Variants in DZIP3 observed in about 807,000 individuals in gnomAD.
DZIP3 encodes the protein E3 ubiquitin-protein ligase DZIP3.
A neutral mutation model predicts 162.0 loss-of-function variants in DZIP3; 118 were observed. That is an observed-to-expected ratio of 0.73 (90% confidence interval 0.63 to 0.85). The LOEUF is 0.85. Among genes scored for constraint, DZIP3 ranks in the 40% least tolerant of loss-of-function variants. The pLI, the probability that DZIP3 is intolerant of heterozygous loss-of-function variation, is 0.00. For missense variants in DZIP3, 1,331 were observed against 1,407.0 expected (o/e 0.95, Z 0.86); for synonymous variants, 438 against 458.6 (o/e 0.96, Z 0.57).
At chr3:108,682,766 A>C (rs1264300238) in intron 26 of DZIP3, among the ~76,000 whole-genome samples, 1 of 150,782 alleles carries the variant, frequency 6.6e-6, no homozygotes, top group Non-Finnish European at 1.5e-5. Context: ...GATTTTGAAT[A>C]TTAGAACCAC....
intron 4 of DZIP3, among the ~76,000 whole-genome samples, chr3:108,612,265 A>G (rs1196775236): frequency 2.6e-5 from 4 of 152,186 alleles, no homozygotes; most frequent in African/African-American, 9.7e-5. Context: ...ATGAAAGAAT[A>G]TATGGTTATT....
In DZIP3 at chr3:108,646,741, C is replaced by T. The variant is rs369285490; in HGVS notation, c.1792+92C>T. Reference sequence around the variant, plus strand: ...TTGTTCAGATAAACTAAATGATAAACTATAATTGTGAAGAACTTGGGCCAG... The same window carrying T: ...TTGTTCAGATAAACTAAATGATAAATTATAATTGTGAAGAACTTGGGCCAG... On this transcript the variant is annotated intron_variant, in intron 15 of 32. Coordinates refer to ENST00000361582, the MANE Select transcript of DZIP3 (RefSeq NM_014648.4). 39 of 997,242 alleles carry T rather than the reference C, an allele frequency of 3.9e-5. No homozygotes were observed. The South Asian group carries it at 6.3e-4, about 16-fold the overall frequency. The allele number at this position is 997,242 out of a possible 1,614,324, so 61.8% of individuals were successfully genotyped here. A position where few individuals can be genotyped will look rare whatever the true frequency, so the allele number is the denominator to read the frequency against.
intron 23 of DZIP3, among the ~76,000 whole-genome samples, chr3:108,673,481 T>C (rs2107357854): frequency 6.6e-6 from 1 of 152,124 alleles, no homozygotes; most frequent in South Asian, 2.1e-4. Context: ...AACTTTTTAA[T>C]ACTTAATGCT....
chr3:108,592,582 G>A (rs563653982), intron 1 of DZIP3, among the ~76,000 whole-genome samples: 4 of 151,780 alleles, frequency 2.6e-5, no homozygotes, highest in Admixed American at 6.6e-5. Flanking sequence ...TGTAGTCCCA[G>A]CTACTCAGGA....
intron 1 of DZIP3, among the ~76,000 whole-genome samples, chr3:108,604,642 T>C (rs1465240564): frequency 2.0e-5 from 3 of 152,246 alleles, no homozygotes; most frequent in African/African-American, 7.2e-5. Context: ...TGTGCAAGTG[T>C]TCTTTACATC....
At chr3:108,693,046 G>A (rs4533661) in intron 32 of DZIP3, among the ~76,000 whole-genome samples, 151,102 of 151,328 alleles carry the variant, frequency 1, 75,439 homozygotes, top group Middle Eastern at 1. Flanking sequence ...TGATATGCCT[G>A]TTTTCCACAG....
At chr3:108,626,178 C>G (rs1305708724) in intron 7 of DZIP3, among the ~76,000 whole-genome samples, 1 of 152,218 alleles carries the variant, frequency 6.6e-6, no homozygotes, top group Non-Finnish European at 1.5e-5. Context: ...AAGAAGCAGT[C>G]TAGCATTAAC....
At chr3:108,602,110 A>T (rs1459415273) in intron 1 of DZIP3, among the ~76,000 whole-genome samples, 1 of 152,170 alleles carries the variant, frequency 6.6e-6, no homozygotes, top group East Asian at 1.9e-4. Context: ...CAAGATGAAC[A>T]TTTGAGTGGA....
At chr3:108,616,364 T>C (rs113439607) in intron 4 of DZIP3, among the ~76,000 whole-genome samples, 177 bp from the exon 5 acceptor site, 2,296 of 151,592 alleles carry the variant, frequency 0.015, 71 homozygotes, top group African/African-American at 0.052. Flanking sequence ...ATCGGACTAC[T>C]TAAAAGCAAA....
intron 1 of DZIP3, among the ~76,000 whole-genome samples, chr3:108,593,032 TATTC>T (rs79530125): frequency 0.13 from 19,301 of 152,162 alleles, 1,660 homozygotes; most frequent in East Asian, 0.52. Context: ...TGGCTTTTGA[TATTC>T]ATCATGTTTA....
At chr3:108,634,116 C>T (rs533508001) in intron 9 of DZIP3, among the ~76,000 whole-genome samples, 5 of 151,906 alleles carry the variant, frequency 3.3e-5, no homozygotes, top group South Asian at 2.1e-4. Flanking sequence ...ACAGCCAATC[C>T]GATAGGTGGG....
In DZIP3 at chr3:108,634,853, A is replaced by T; in HGVS notation, c.817-18A>T. On this transcript the variant is annotated intron_variant, in intron 9 of 32. Transcript: ENST00000361582. ...ATCACCATGTCCTTATTGATAACTT[A>T]CTTTTATTTTTTTCCAGGGATTTTT... is the stretch of plus-strand genomic sequence containing the variant. 1 of 1,538,886 alleles carries T rather than the reference A, an allele frequency of 6.5e-7. No homozygotes were observed. The highest frequency in any genetic ancestry group is 8.9e-7 in the Non-Finnish European group (1 of 1,119,114).
chr3:108,622,958 A>G (rs1025211005), intron 5 of DZIP3, among the ~76,000 whole-genome samples: 2 of 150,352 alleles, frequency 1.3e-5, no homozygotes, highest in Middle Eastern at 3.4e-3. Flanking sequence ...ACGACCACTG[A>G]GACTCCTCTA....
At chr3:108,645,705 C>T (rs35499052) in intron 14 of DZIP3, among the ~76,000 whole-genome samples, 54,700 of 151,946 alleles carry the variant, frequency 0.36, 10,379 homozygotes, top group East Asian at 0.53. Context: ...TTCTAGTGAA[C>T]TGGTCCAGAT....
At chr3:108,610,206 G>C (rs1403825345) in intron 3 of DZIP3, among the ~76,000 whole-genome samples, 1 of 152,122 alleles carries the variant, frequency 6.6e-6, no homozygotes, top group Non-Finnish European at 1.5e-5. Context: ...AATATAGATG[G>C]GGATGGAGGA....
intron 6 of DZIP3, 56 bp from the exon 7 acceptor site, chr3:108,625,789 T>TA (rs5851600): frequency 2.3e-3 from 2,962 of 1,273,506 alleles, no homozygotes; most frequent in East Asian, 4.7e-3. Context: ...TTGTTTATTG[T>TA]AAAAAAAAAA....
intron 2 of DZIP3, 74 bp from the exon 3 acceptor site, chr3:108,608,015 A>T: frequency 8.0e-7 from 1 of 1,245,426 alleles, no homozygotes; most frequent in Non-Finnish European, 1.2e-6. Context: ...TTCAATTGTT[A>T]GATTCTTTAC....
intron 12 of DZIP3, among the ~76,000 whole-genome samples, chr3:108,639,360 T>C (rs551488086): frequency 6.6e-6 from 1 of 152,346 alleles, no homozygotes; most frequent in Admixed American, 6.5e-5. Flanking sequence ...ATGTTACTTT[T>C]ATTTTGACAG....
Position 108,690,870 on chromosome 3 carries a change from C to A in DZIP3, c.3600C>A (p.His1200Gln), listed in dbSNP as rs866507440. The stretch of plus-strand genomic sequence containing the variant: ...TGCTACCAGAAGAATTCCCTGGTCA[C>A]CCCAGCCGGCAGTTGCCCAAGATCT... ...HVLLPEEFPG[H>Q]PSRQLPKI Residue 1200 changes from histidine (H) to glutamine (Q), a missense_variant, in exon 32 of 33, where the codon CAC (histidine) becomes CAA (glutamine). Physicochemically the swap from His to Gln is conservative, Grantham distance 24 (BLOSUM62 0). Transcript: ENST00000361582. 2 of 1,614,000 alleles carry A rather than the reference C, an allele frequency of 1.2e-6. No homozygotes were observed. The highest frequency in any genetic ancestry group is 1.3e-5 in the African/African-American group (1 of 74,922).
Sources: gnomAD v4.1 joint callset for allele counts (sites outside exome capture counted in the v4.1 genomes callset) on GRCh38, gnomAD v4.1.1 for gene constraint, MANE v1.5 for transcripts, NCBI Gene and HGNC (gene_info 2026-07-23, HGNC 2026-07-21) for gene names.